Variants in COL14A1 observed in about 807,000 individuals in gnomAD.
The protein encoded by COL14A1 is collagen type XIV alpha 1 chain.
In COL14A1, 136 loss-of-function variants were observed where a neutral mutation model predicts 230.3. That is an observed-to-expected ratio of 0.59 (90% confidence interval 0.51 to 0.68). The LOEUF (loss-of-function observed/expected upper bound fraction) is 0.68. COL14A1 is among the 30% of genes least tolerant of loss of function. The pLI is 0.00. For synonymous variants in COL14A1, 792 were observed against 784.1 expected (o/e 1.01, Z -0.17); for missense variants, 1,976 against 2,215.8 (o/e 0.89, Z 2.17).
At chr8:120,316,052 C>T (rs919695200) in intron 40 of COL14A1, 55 bp downstream of exon 40, 14 of 1,566,048 alleles carry the variant, frequency 8.9e-6, no homozygotes, top group Non-Finnish European at 1.2e-5. Context: ...TTCACCAGGT[C>T]ACTCTTATTG....
At chr8:120,370,230 T>G in intron 47 of COL14A1, 4 of 1,210,688 alleles carry the variant, frequency 3.3e-6, no homozygotes, top group South Asian at 1.4e-5. Context: ...CAGTAGAAAT[T>G]TAACCTTAGT....
chr8:120,260,531 A>T (rs556094043), intron 23 of COL14A1, among the ~76,000 whole-genome samples: 35 of 152,334 alleles, frequency 2.3e-4, no homozygotes, highest in African/African-American at 7.5e-4. Flanking sequence ...TAATATATTT[A>T]ATCAATGCAG....
At chr8:120,364,143 G>C (rs772223198) in intron 45 of COL14A1, among the ~76,000 whole-genome samples, 27 of 152,054 alleles carry the variant, frequency 1.8e-4, no homozygotes, top group Non-Finnish European at 3.7e-4. Flanking sequence ...ACTTAGCACT[G>C]GTGACCCCAT....
At chr8:120,300,611 C>T (rs1586844062) in intron 35 of COL14A1, 121 bp from the exon 36 acceptor site, 1 of 738,900 alleles carries the variant, frequency 1.4e-6, no homozygotes, top group African/African-American at 1.8e-5. Context: ...ATATTCTCTG[C>T]CTTTCTAATG....
chr8:120,262,798 C>A, intron 23 of COL14A1, 70 bp from the exon 24 acceptor site: 2 of 1,480,302 alleles, frequency 1.4e-6, no homozygotes, highest in South Asian at 2.7e-5. Context: ...AGAAGCAAAT[C>A]ATCTGCCAAT....
chr8:120,181,328 G>A (rs971440878), intron 5 of COL14A1, among the ~76,000 whole-genome samples: 3 of 152,124 alleles, frequency 2.0e-5, no homozygotes, highest in Non-Finnish European at 2.9e-5. Context: ...TTTTTAAAAA[G>A]TAAAGTTTCA....
chr8:120,232,823 TC>T (rs1000071433), intron 19 of COL14A1, among the ~76,000 whole-genome samples: 1 of 152,206 alleles, frequency 6.6e-6, no homozygotes, highest in African/African-American at 2.4e-5. Context: ...TAGTTCTAGG[TC>T]TTTGAGGAAT....
In COL14A1 at chr8:120,146,710, T is replaced by C. The variant is rs925099000; in HGVS notation, c.-37-1096T>C. Among the ~76,000 whole-genome samples, 24 of 152,308 alleles carry C rather than the reference T, an allele frequency of 1.6e-4. No individual in the cohort carries two copies. The South Asian group carries it at 3.5e-3, about 22-fold the overall frequency. ...TCAAATTAAAATTTAACTATAGTCC[T>C]GTATTTTACCTGTGAAATTTGGCAC... is the stretch of plus-strand genomic sequence containing the variant. On this transcript the variant is annotated intron_variant, in intron 1 of 47. Transcript: ENST00000297848.
At chr8:120,200,617 C>G (rs1817204715) in intron 8 of COL14A1, among the ~76,000 whole-genome samples, 1 of 150,062 alleles carries the variant, frequency 6.7e-6, no homozygotes, top group Non-Finnish European at 1.5e-5. Flanking sequence ...AAATCATTCT[C>G]CAGGGTTGAG....
chr8:120,193,718 G>A (rs886248384), intron 5 of COL14A1, among the ~76,000 whole-genome samples: 7 of 152,266 alleles, frequency 4.6e-5, no homozygotes, highest in African/African-American at 7.2e-5. Flanking sequence ...TGAGCTTCCC[G>A]GCTGGTTTGG....
chr8:120,367,526 A>G (rs1009595915), intron 46 of COL14A1, among the ~76,000 whole-genome samples: 5 of 152,196 alleles, frequency 3.3e-5, no homozygotes, highest in African/African-American at 9.7e-5. Context: ...GTGGATTTAC[A>G]CAATAAAGCT....
In COL14A1 at chr8:120,302,230, C is replaced by G. The variant is rs181259319; in HGVS notation, c.4401+1412C>G. Among the ~76,000 whole-genome samples the G allele has an allele frequency of 3.9e-5, 6 of 152,122 alleles. No individual in the cohort carries two copies. In the East Asian group the frequency reaches 1.2e-3, roughly 29 times the overall value. On this transcript the variant is annotated intron_variant, in intron 36 of 47. Coordinates refer to ENST00000297848, the MANE Select transcript of COL14A1 (RefSeq NM_021110.4). ...AGTTACTTTTGCTGTGCAGAAGCAC[C>G]TTAGTATAATTAGAGCCCATTTGTA...
rs1023088384 is a variant in COL14A1, at chr8:120,262,962, T to C, written c.2964T>C (p.Tyr988=). ...QPDSEYKISV[Y]TKLQEIEGPS... is the part of the protein sequence containing the mutation. ...ATTCTGAATATAAAATCAGTGTTTA[T>C]ACAAAGCTCCAGGAGATTGAAGGAC... is the stretch of plus-strand genomic sequence containing the variant. The change falls in exon 24 of 48, where the codon TAT becomes TAC. Residue 988 remains tyrosine (Y), a synonymous_variant. Coordinates refer to ENST00000297848, the MANE Select transcript of COL14A1 (RefSeq NM_021110.4). 1 of 1,613,508 alleles carries C rather than the reference T, an allele frequency of 6.2e-7. No homozygotes were observed. Among genetic ancestry groups the C allele is most frequent in the African/African-American group, 1.3e-5 (1 of 74,870 alleles).
intron 7 of COL14A1, among the ~76,000 whole-genome samples, chr8:120,198,847 G>A (rs1330983481): frequency 6.6e-6 from 1 of 152,120 alleles, no homozygotes; most frequent in East Asian, 1.9e-4. Flanking sequence ...AAGTCTCGTG[G>A]AATTTTTGTT....
At chr8:120,366,150 C>A (rs777341619) in intron 45 of COL14A1, among the ~76,000 whole-genome samples, 5 of 152,204 alleles carry the variant, frequency 3.3e-5, no homozygotes, top group Non-Finnish European at 7.3e-5. Flanking sequence ...CAAGTGCTAG[C>A]ATCTTGCTTG....
chr8:120,281,560 G>A (rs771371067), intron 31 of COL14A1, among the ~76,000 whole-genome samples: 19 of 101,282 alleles, frequency 1.9e-4, no homozygotes, highest in Admixed American at 9.2e-4. Context: ...GCAAGACCCC[G>A]TCTTTAAAAA....
At chr8:120,325,674 G>C (rs1408250224) in intron 40 of COL14A1, among the ~76,000 whole-genome samples, 6 of 152,084 alleles carry the variant, frequency 3.9e-5, no homozygotes, top group African/African-American at 7.2e-5. Flanking sequence ...TGTATTTTTA[G>C]TAGAGATGGG....
chr8:120,285,377 A>G (rs4871054), intron 32 of COL14A1, among the ~76,000 whole-genome samples: 1 of 149,040 alleles, frequency 6.7e-6, no homozygotes, highest in South Asian at 2.2e-4. Context: ...GGCAGGAGAA[A>G]GGTGTGAACC....
intron 1 of COL14A1, among the ~76,000 whole-genome samples, chr8:120,133,759 A>G (rs1416576120): frequency 6.6e-6 from 1 of 152,140 alleles, no homozygotes; most frequent in African/African-American, 2.4e-5. Context: ...TTCCAGGATA[A>G]ATATTCTGGA....
Sources: gnomAD v4.1 joint callset for allele counts (sites outside exome capture counted in the v4.1 genomes callset) on GRCh38, gnomAD v4.1.1 for gene constraint, MANE v1.5 for transcripts, NCBI Gene and HGNC (gene_info 2026-07-23, HGNC 2026-07-21) for gene names.